SH3KBP1: variants seen among roughly 807,000 people sequenced by gnomAD.
SH3KBP1 encodes the protein SH3 domain-containing kinase-binding protein 1.
SH3KBP1 carries 8 observed loss-of-function variants against 50.1 expected under a neutral mutation model. The observed-to-expected ratio is 0.16, with a 90% confidence interval of 0.09 to 0.29. The LOEUF (loss-of-function observed/expected upper bound fraction) is 0.29. SH3KBP1 is among the 10% of genes least tolerant of loss of function. The probability of loss-of-function intolerance (pLI) is 1.00; values close to 1 mark genes in which losing one functional copy is unlikely to be tolerated. For synonymous variants in SH3KBP1, 227 were observed against 218.6 expected (o/e 1.04, Z -0.34); for missense variants, 377 against 535.2 (o/e 0.70, Z 2.92).
At chrX:19,661,769 G>A (rs1443450990) in intron 6 of SH3KBP1, among the ~76,000 whole-genome samples, 2 of 108,969 alleles carry the variant, frequency 1.8e-5, no homozygotes, top group African/African-American at 3.3e-5. Flanking sequence ...TGGGATTACA[G>A]GCATGCGCCA....
chrX:19,563,954 G>A (rs1177714002), intron 13 of SH3KBP1, among the ~76,000 whole-genome samples: 1 of 111,205 alleles, frequency 9.0e-6, no homozygotes, highest in Non-Finnish European at 1.9e-5. Flanking sequence ...TAGTCAATCT[G>A]GAACACTCCA....
chrX:19,536,741 G>C (rs1355734953), intron 17 of SH3KBP1, among the ~76,000 whole-genome samples: 1 of 112,207 alleles, frequency 8.9e-6, no homozygotes, highest in Non-Finnish European at 1.9e-5. Flanking sequence ...TTCTTAGCCA[G>C]AGGGTAGAGC....
chrX:19,852,963 T>C (rs2068550116), intron 1 of SH3KBP1, among the ~76,000 whole-genome samples: 1 of 112,163 alleles, frequency 8.9e-6, no homozygotes, highest in Admixed American at 9.5e-5. Context: ...TATAAAGCCA[T>C]GAAGATGAGA....
chrX:19,676,866 A>T (rs1266958350), intron 6 of SH3KBP1, among the ~76,000 whole-genome samples: 1 of 112,376 alleles, frequency 8.9e-6, no homozygotes, highest in East Asian at 2.8e-4. Flanking sequence ...AGAGGCTGTT[A>T]CAAACACAAC....
intron 7 of SH3KBP1, among the ~76,000 whole-genome samples, chrX:19,635,941 G>C (rs2061692322): frequency 8.9e-6 from 1 of 111,971 alleles, no homozygotes; most frequent in Non-Finnish European, 1.9e-5. Context: ...TCTCAAAAGA[G>C]GAGGCATTTG....
At chrX:19,646,608 G>A (rs1194833340) in intron 6 of SH3KBP1, among the ~76,000 whole-genome samples, 2 of 112,031 alleles carry the variant, frequency 1.8e-5, no homozygotes, top group Non-Finnish European at 3.8e-5. Context: ...GGAATGAACT[G>A]CATAATTCAA....
chrX:19,882,097 G>A (rs1469595710), intron 1 of SH3KBP1, among the ~76,000 whole-genome samples: 2 of 111,104 alleles, frequency 1.8e-5, no homozygotes, highest in African/African-American at 3.3e-5. Flanking sequence ...ACTTTAAGGC[G>A]GCTTTATTAA....
Position 19,580,463 on chromosome X carries a change from G to A in SH3KBP1, c.1298+8180C>T, listed in dbSNP as rs1569306237. Among the ~76,000 whole-genome samples, 6 of 111,139 alleles carry A rather than the reference G, an allele frequency of 5.4e-5. No individual in the cohort carries two copies. The South Asian group carries it at 2.3e-3, about 42-fold the overall frequency. On this transcript the variant is annotated intron_variant, in intron 12 of 17. Transcript: ENST00000397821. Reference sequence around the variant, plus strand: ...CTGTTGCATGGAAATTGCTCGACTGGGATCACCAAGGGCCAACTAATGAGC... The same window carrying A: ...CTGTTGCATGGAAATTGCTCGACTGAGATCACCAAGGGCCAACTAATGAGC...
chrX:19,621,169 G>A (rs2067818143), intron 8 of SH3KBP1, among the ~76,000 whole-genome samples: 2 of 103,445 alleles, frequency 1.9e-5, no homozygotes, highest in African/African-American at 7.1e-5. Context: ...CCGCCTTCTG[G>A]GTTCACGCCA....
intron 2 of SH3KBP1, among the ~76,000 whole-genome samples, chrX:19,766,829 A>T (rs1261381136): frequency 4.5e-5 from 5 of 110,534 alleles, no homozygotes; most frequent in African/African-American, 1.3e-4. Flanking sequence ...TTACATTTTG[A>T]TGTTGTCTAA....
chrX:19,783,610 T>C (rs760152801), intron 2 of SH3KBP1, among the ~76,000 whole-genome samples: 10 of 111,399 alleles, frequency 9.0e-5, no homozygotes, highest in Non-Finnish European at 1.7e-4. Flanking sequence ...GAGCTCAGAC[T>C]TTTTAGCTCC....
intron 2 of SH3KBP1, among the ~76,000 whole-genome samples, chrX:19,750,233 G>A (rs12009279): frequency 0.17 from 18,939 of 110,941 alleles, 1,372 homozygotes; most frequent in African/African-American, 0.25. Context: ...TAATTTTTGT[G>A]TTTTTTAGTA....
At chrX:19,581,891 T>C (rs941994681) in intron 12 of SH3KBP1, among the ~76,000 whole-genome samples, 4 of 107,484 alleles carry the variant, frequency 3.7e-5, no homozygotes, top group African/African-American at 1.4e-4. Context: ...CACTGCGTGC[T>C]GCCCCTCCCC....
intron 1 of SH3KBP1, among the ~76,000 whole-genome samples, chrX:19,882,091 T>C (rs2069450465): frequency 9.0e-6 from 1 of 111,354 alleles, no homozygotes; most frequent in Non-Finnish European, 1.9e-5. Flanking sequence ...GATGTAACTT[T>C]AAGGCGGCTT....
chrX:19,621,587 T>C (rs1021203324), intron 8 of SH3KBP1, among the ~76,000 whole-genome samples: 1 of 104,673 alleles, frequency 9.6e-6, no homozygotes, highest in African/African-American at 4.2e-5. Context: ...TTTTACATTT[T>C]TGAATGGTTT....
chrX:19,548,719 G>A (rs1247562724), intron 14 of SH3KBP1, among the ~76,000 whole-genome samples: 1 of 110,818 alleles, frequency 9.0e-6, no homozygotes, highest in Non-Finnish European at 1.9e-5. Context: ...CATGAAAATA[G>A]GAAGTGTCCT....
chrX:19,565,727 T>C (rs2065824939), intron 13 of SH3KBP1, among the ~76,000 whole-genome samples: 1 of 111,335 alleles, frequency 9.0e-6, no homozygotes, highest in Non-Finnish European at 1.9e-5. Context: ...TATAAAGGCA[T>C]GTTCTACCCC....
At chrX:19,822,069 G>A (rs1480512483) in intron 2 of SH3KBP1, among the ~76,000 whole-genome samples, 2 of 112,243 alleles carry the variant, frequency 1.8e-5, no homozygotes, top group Non-Finnish European at 3.8e-5. Context: ...TTCCTTGTAA[G>A]TATATGTCAT....
intron 6 of SH3KBP1, among the ~76,000 whole-genome samples, chrX:19,664,466 T>C (rs1356917271): frequency 9.0e-6 from 1 of 111,191 alleles, no homozygotes; most frequent in Non-Finnish European, 1.9e-5. Context: ...CCCAGCTGTA[T>C]CTCTTTCAGC....
Sources: allele counts gnomAD v4.1 joint callset (sites outside exome capture counted in the v4.1 genomes callset), GRCh38; gene constraint gnomAD v4.1.1; transcripts MANE v1.5; gene names NCBI Gene and HGNC (gene_info 2026-07-23, HGNC 2026-07-21).